The following SH3GL2 variants were observed in gnomAD, a reference collection of about 807,000 sequenced individuals.
The protein encoded by SH3GL2 is SH3 domain containing GRB2 like 2, endophilin A1.
SH3GL2 carries 24 observed loss-of-function variants against 46.0 expected under a neutral mutation model. That is an observed-to-expected ratio of 0.52 (90% CI 0.38 to 0.73). The LOEUF is 0.73. Among genes scored for constraint, SH3GL2 ranks in the 30% least tolerant of loss-of-function variants. The probability of loss-of-function intolerance (pLI) is 0.00; values close to 1 mark genes in which losing one functional copy is unlikely to be tolerated. For synonymous variants in SH3GL2, 196 were observed against 147.1 expected (o/e 1.33, Z -2.40); for missense variants, 413 against 424.2 (o/e 0.97, Z 0.23).
Position 17,787,513 on chromosome 9 carries a change from A to G in SH3GL2, c.465A>G (p.Gln155=), listed in dbSNP as rs777912658. The change falls in exon 5 of 9, where the codon CAA becomes CAG. Residue 155 remains glutamine, a splice_region_variant and synonymous_variant. Coordinates refer to ENST00000380607, the MANE Select transcript of SH3GL2 (RefSeq NM_003026.5). Reference sequence around the variant, plus strand: ...ATGACAAAGATCTTAGGGAAATTCAAGTATGTACAATGAGTCTTCTGGAAA... The same window carrying G: ...ATGACAAAGATCTTAGGGAAATTCAGGTATGTACAATGAGTCTTCTGGAAA... The part of the protein sequence containing the change: ...NLHDKDLREI[Q]HHLKKLEGRR... 4 of 1,611,882 alleles carry G rather than the reference A, an allele frequency of 2.5e-6. No individual in the cohort carries two copies. The South Asian group carries it at 3.3e-5, about 13-fold the overall frequency.
At chr9:17,683,689 G>C (rs1820832390) in intron 1 of SH3GL2, among the ~76,000 whole-genome samples, 1 of 152,046 alleles carries the variant, frequency 6.6e-6, no homozygotes, top group Non-Finnish European at 1.5e-5. Flanking sequence ...CTCAGAGTAA[G>C]AAATGCTGAT....
chr9:17,686,847 A>C lies in SH3GL2; in HGVS notation c.46-60219A>C, dbSNP rs570143943. 1.3e-4 allele frequency among the ~76,000 whole-genome samples: 19 copies of C among 149,326 alleles called. No homozygotes were observed. The East Asian group carries it at 2.4e-3, about 19-fold the overall frequency. On this transcript the variant is annotated intron_variant, in intron 1 of 8. Coordinates refer to ENST00000380607, the MANE Select transcript of SH3GL2 (RefSeq NM_003026.5). The stretch of plus-strand genomic sequence containing the variant: ...GAGATATACCTAATGCTAGATGACG[A>C]GTTAGTGGGTGCAGCGCACCAGCAT...
Position 17,795,984 on chromosome 9 carries a change from G to T in SH3GL2, c.*241G>T. 1.9e-6 allele frequency: 1 copy of T among 519,816 alleles called. No individual in the cohort carries two copies. The highest frequency in any genetic ancestry group is 3.5e-6 in the Non-Finnish European group (1 of 289,584). 32.2% of individuals were successfully genotyped at this position (519,816 alleles called of 1,614,324 possible). A position where few individuals can be genotyped will look rare whatever the true frequency, so the allele number is the denominator to read the frequency against. On this transcript the variant is annotated 3_prime_UTR_variant, in exon 9 of 9. Coordinates refer to ENST00000380607, the MANE Select transcript of SH3GL2 (RefSeq NM_003026.5). ...AAACATCATCTGAGACCAGCCAGTA[G>T]TCACAGAACTGCTGTTTACACAGTT...
intron 3 of SH3GL2, among the ~76,000 whole-genome samples, chr9:17,762,178 C>T (rs1189231984): frequency 6.6e-6 from 1 of 152,142 alleles, no homozygotes; most frequent in African/African-American, 2.4e-5. Flanking sequence ...ATTACCATTC[C>T]TGTGTGTCAG....
intron 1 of SH3GL2, among the ~76,000 whole-genome samples, chr9:17,693,099 A>G (rs1457872301): frequency 6.6e-6 from 1 of 152,152 alleles, no homozygotes; most frequent in Non-Finnish European, 1.5e-5. Flanking sequence ...TTGGTTTTTT[A>G]GCCATGCCAC....
intron 1 of SH3GL2, among the ~76,000 whole-genome samples, chr9:17,612,012 A>G (rs1261231175): frequency 6.6e-6 from 1 of 152,120 alleles, no homozygotes; most frequent in African/African-American, 2.4e-5. Flanking sequence ...AGCTAATAAT[A>G]TTGGGACTAG....
At chr9:17,748,898 A>T (rs1192515049) in intron 2 of SH3GL2, among the ~76,000 whole-genome samples, 1 of 152,176 alleles carries the variant, frequency 6.6e-6, no homozygotes, top group Non-Finnish European at 1.5e-5. Flanking sequence ...AACAGCATGC[A>T]AGCAGGCAAG....
At chr9:17,777,904 T>A (rs1218639627) in intron 3 of SH3GL2, among the ~76,000 whole-genome samples, 1 of 152,010 alleles carries the variant, frequency 6.6e-6, no homozygotes, top group Non-Finnish European at 1.5e-5. Flanking sequence ...CCAACTCTAT[T>A]CCTTTAGCGT....
At chr9:17,710,212 C>G (rs570098076) in intron 1 of SH3GL2, among the ~76,000 whole-genome samples, 31 of 152,096 alleles carry the variant, frequency 2.0e-4, no homozygotes, top group African/African-American at 7.5e-4. Flanking sequence ...CCCTTTTGCT[C>G]TGCATTTCTT....
At chr9:17,584,802 G>C (rs1818343181) in intron 1 of SH3GL2, among the ~76,000 whole-genome samples, 1 of 152,160 alleles carries the variant, frequency 6.6e-6, no homozygotes, top group South Asian at 2.1e-4. Context: ...TGAAAAGAAA[G>C]TGGTGACTGA....
intron 1 of SH3GL2, among the ~76,000 whole-genome samples, chr9:17,734,813 G>A (rs1395498276): frequency 6.6e-6 from 1 of 152,104 alleles, no homozygotes; most frequent in African/African-American, 2.4e-5. Flanking sequence ...GGGGGAAGGA[G>A]CCTGGGCAGT....
At chr9:17,746,225 G>C (rs901169141) in intron 1 of SH3GL2, among the ~76,000 whole-genome samples, 6 of 152,034 alleles carry the variant, frequency 3.9e-5, no homozygotes, top group Non-Finnish European at 8.8e-5. Context: ...ACAGGTGCCC[G>C]CCACCACGCC....
chr9:17,690,244 G>T (rs1253264209), intron 1 of SH3GL2, among the ~76,000 whole-genome samples: 1 of 152,122 alleles, frequency 6.6e-6, no homozygotes, highest in Non-Finnish European at 1.5e-5. Context: ...GGATAAACAT[G>T]TGTTTCTGCT....
intron 1 of SH3GL2, among the ~76,000 whole-genome samples, chr9:17,620,304 A>G (rs956695815): frequency 6.6e-6 from 1 of 152,180 alleles, no homozygotes; most frequent in Non-Finnish European, 1.5e-5. Context: ...CATACACTGC[A>G]TTTTGCACTG....
At chr9:17,756,529 A>G (rs528933110) in intron 2 of SH3GL2, among the ~76,000 whole-genome samples, 29 of 134,470 alleles carry the variant, frequency 2.2e-4, no homozygotes, top group African/African-American at 7.6e-4. Context: ...CCTGTGTCCA[A>G]GTGTTCTCAT....
intron 1 of SH3GL2, among the ~76,000 whole-genome samples, chr9:17,592,929 A>G (rs72713330): frequency 0.025 from 3,762 of 152,206 alleles, 84 homozygotes; most frequent in Non-Finnish European, 0.036. Flanking sequence ...GGTTAAGTGG[A>G]TCACCAAAGG....
chr9:17,617,206 A>C (rs780436605), intron 1 of SH3GL2, among the ~76,000 whole-genome samples: 6 of 152,206 alleles, frequency 3.9e-5, no homozygotes, highest in Admixed American at 2.0e-4. Context: ...TTTAAGGAAT[A>C]TGCTATTGGT....
At chr9:17,632,977 T>C (rs1341696752) in intron 1 of SH3GL2, among the ~76,000 whole-genome samples, 1 of 152,222 alleles carries the variant, frequency 6.6e-6, no homozygotes, top group Non-Finnish European at 1.5e-5. Flanking sequence ...CAAAAGTAGT[T>C]TGGAGTTCTG....
chr9:17,585,666 A>G (rs1818362053), intron 1 of SH3GL2, among the ~76,000 whole-genome samples: 1 of 152,166 alleles, frequency 6.6e-6, no homozygotes, highest in African/African-American at 2.4e-5. Context: ...TGCCTTTACT[A>G]GTGATCTCAG....
Sources: allele counts gnomAD v4.1 joint callset (sites outside exome capture counted in the v4.1 genomes callset), GRCh38; gene constraint gnomAD v4.1.1; transcripts MANE v1.5; gene names NCBI Gene and HGNC (gene_info 2026-07-23, HGNC 2026-07-21).